DLGAP2: variants seen among roughly 807,000 people sequenced by gnomAD.
The protein encoded by DLGAP2 is DLG associated protein 2.
In DLGAP2, 26 loss-of-function variants were observed where a neutral mutation model predicts 100.3. That is an observed-to-expected ratio of 0.26 (90% CI 0.19 to 0.36). DLGAP2 has a LOEUF of 0.36. DLGAP2 is among the 10% of genes least tolerant of loss of function. DLGAP2 has a pLI of 1.00. For missense variants in DLGAP2, 1,858 were observed against 1,453.2 expected (o/e 1.28, Z -4.53); for synonymous variants, 886 against 630.1 (o/e 1.41, Z -6.08).
At chr8:1,107,363 C>T (rs1804810293) in intron 2 of DLGAP2, among the ~76,000 whole-genome samples, 1 of 152,312 alleles carries the variant, frequency 6.6e-6, no homozygotes, top group African/African-American at 2.4e-5. Context: ...TGAGCCCCCG[C>T]ACCCGGGCCT....
chr8:1,206,457 C>T (rs1797993649), intron 2 of DLGAP2, among the ~76,000 whole-genome samples: 1 of 151,008 alleles, frequency 6.6e-6, no homozygotes, highest in African/African-American at 2.5e-5. Context: ...CTGGGGTAGA[C>T]TGTGAGTGGT....
chr8:1,089,015 C>G (rs112502335), intron 2 of DLGAP2, among the ~76,000 whole-genome samples: 1 of 132,686 alleles, frequency 7.5e-6, no homozygotes, highest in African/African-American at 3.0e-5. Context: ...CGGCCTCACT[C>G]TCTCCACCCC....
At chr8:923,415 G>C (rs1798753266) in intron 2 of DLGAP2, among the ~76,000 whole-genome samples, 1 of 152,248 alleles carries the variant, frequency 6.6e-6, no homozygotes, top group Admixed American at 6.5e-5. Context: ...GAGGGCATGG[G>C]TGTGAGTGCT....
chr8:974,919 A>C (rs1472072931), intron 2 of DLGAP2, among the ~76,000 whole-genome samples: 1 of 152,180 alleles, frequency 6.6e-6, no homozygotes, highest in East Asian at 1.9e-4. Flanking sequence ...ATGAAACTGA[A>C]AATAAGATAT....
intron 2 of DLGAP2, among the ~76,000 whole-genome samples, chr8:1,205,246 G>A (rs946587675): frequency 6.6e-6 from 1 of 152,208 alleles, no homozygotes; most frequent in Non-Finnish European, 1.5e-5. Context: ...CCTCAGTAAA[G>A]TGATAGTTTT....
chr8:1,068,232 T>C (rs1803316351), intron 2 of DLGAP2, among the ~76,000 whole-genome samples: 1 of 152,220 alleles, frequency 6.6e-6, no homozygotes, highest in Non-Finnish European at 1.5e-5. Flanking sequence ...CTTCTGAGTT[T>C]AGGGAATGAT....
At chr8:1,496,975 T>C (rs79899327) in intron 3 of DLGAP2, among the ~76,000 whole-genome samples, 1 of 151,820 alleles carries the variant, frequency 6.6e-6, no homozygotes, top group African/African-American at 2.4e-5. Flanking sequence ...TGGTCTCCAG[T>C]CACACGTTAT....
intron 3 of DLGAP2, among the ~76,000 whole-genome samples, chr8:1,476,386 A>T (rs779655228): frequency 6.6e-6 from 1 of 151,830 alleles, no homozygotes; most frequent in Admixed American, 6.6e-5. Context: ...ATCTATTCCC[A>T]TCGCGCCTGT....
chr8:956,662 C>G (rs1374549202), intron 2 of DLGAP2, among the ~76,000 whole-genome samples: 2 of 152,222 alleles, frequency 1.3e-5, no homozygotes, highest in Non-Finnish European at 2.9e-5. Context: ...ATTTACAGAT[C>G]TAATACATGT....
chr8:772,538 G>C (rs1167192285), intron 1 of DLGAP2, among the ~76,000 whole-genome samples: 1 of 151,706 alleles, frequency 6.6e-6, no homozygotes, highest in African/African-American at 2.4e-5. Flanking sequence ...GGCCAGGCTT[G>C]TCTCAAACTC....
At chr8:1,663,456 A>C (rs1335908934) in intron 8 of DLGAP2, among the ~76,000 whole-genome samples, 2 of 152,134 alleles carry the variant, frequency 1.3e-5, no homozygotes, top group Non-Finnish European at 2.9e-5. Flanking sequence ...GGGACGCCGG[A>C]CACCGCAGAG....
At chr8:1,098,842 G>C (rs1323491855) in intron 2 of DLGAP2, among the ~76,000 whole-genome samples, 1 of 151,532 alleles carries the variant, frequency 6.6e-6, no homozygotes, top group Admixed American at 6.6e-5. Context: ...CGGACGCTGC[G>C]ACGCACACCA....
intron 3 of DLGAP2, among the ~76,000 whole-genome samples, chr8:1,434,947 C>G (rs879871578): frequency 7.9e-5 from 12 of 152,182 alleles, no homozygotes; most frequent in Non-Finnish European, 1.6e-4. Context: ...TGTCACATGC[C>G]TCTGGCCCTG....
At chr8:1,603,875 A>T (rs963968744) in intron 6 of DLGAP2, among the ~76,000 whole-genome samples, 35 of 152,122 alleles carry the variant, frequency 2.3e-4, no homozygotes, top group Non-Finnish European at 2.4e-4. Context: ...TTGACCACTT[A>T]ATATTTGGTG....
intron 2 of DLGAP2, among the ~76,000 whole-genome samples, chr8:1,193,897 C>T (rs1382500171): frequency 6.6e-6 from 1 of 152,096 alleles, no homozygotes; most frequent in African/African-American, 2.4e-5. Flanking sequence ...GCCTCCTGTC[C>T]CCAGCCAGGA....
At chr8:1,435,034 A>G (rs1198335359) in intron 3 of DLGAP2, among the ~76,000 whole-genome samples, 3 of 152,158 alleles carry the variant, frequency 2.0e-5, no homozygotes, top group African/African-American at 7.2e-5. Context: ...AGCTTTGCCA[A>G]CATTTCAATG....
chr8:1,089,733 A>G (rs1376394308), intron 2 of DLGAP2, among the ~76,000 whole-genome samples: 1 of 152,240 alleles, frequency 6.6e-6, no homozygotes, highest in Non-Finnish European at 1.5e-5. Context: ...GGATATTTTT[A>G]AAAGGAGGGG....
chr8:945,121 A>G (rs1799287661), intron 2 of DLGAP2, among the ~76,000 whole-genome samples: 1 of 152,208 alleles, frequency 6.6e-6, no homozygotes, highest in African/African-American at 2.4e-5. Flanking sequence ...GAGAATGAGG[A>G]TTCAGTGCAC....
intron 10 of DLGAP2, among the ~76,000 whole-genome samples, chr8:1,671,870 G>A (rs1798698996): frequency 1.3e-5 from 2 of 152,248 alleles, no homozygotes; most frequent in South Asian, 2.1e-4. Context: ...TCCAGCCTTG[G>A]CACTCATAGG....
Sources: gnomAD v4.1 joint callset for allele counts (sites outside exome capture counted in the v4.1 genomes callset) on GRCh38, gnomAD v4.1.1 for gene constraint, MANE v1.5 for transcripts, NCBI Gene and HGNC (gene_info 2026-07-23, HGNC 2026-07-21) for gene names.